Variants in LINGO2 observed in about 807,000 individuals in gnomAD.
LINGO2 encodes the protein leucine rich repeat and Ig domain containing 2.
Under a neutral mutation model 30.6 loss-of-function variants are expected in LINGO2, and 14 were observed. The ratio of observed to expected loss-of-function variants is 0.46; its 90% CI spans 0.30 to 0.72. The LOEUF is 0.72. LINGO2 is among the 30% of genes least tolerant of loss of function. The pLI is 0.07. For synonymous variants in LINGO2, 317 were observed against 288.5 expected (o/e 1.10, Z -1.00); for missense variants, 729 against 751.7 (o/e 0.97, Z 0.35).
chr9:29,087,179 A>G, the LINGO2 span, among the ~76,000 whole-genome samples: 1 of 152,106 alleles, frequency 6.6e-6, no homozygotes, highest in Non-Finnish European at 1.5e-5. Context: ...ACCCGGCCCA[A>G]GAAGTAATCT....
the LINGO2 span, among the ~76,000 whole-genome samples, chr9:29,080,962 G>A: frequency 6.6e-6 from 1 of 152,008 alleles, no homozygotes; most frequent in East Asian, 1.9e-4. Context: ...TGTCTATTAG[G>A]TCCGCTTGGT....
intron 1 of LINGO2, among the ~76,000 whole-genome samples, chr9:28,535,876 TTTAAACTTTTCACCTGGATTTGTAA>T (rs1338840055): frequency 2.0e-5 from 3 of 152,158 alleles, no homozygotes; most frequent in African/African-American, 7.2e-5. Flanking sequence ...CAGAGGAGGA[TTTAAACTTTTCACCTGGATTTGTAA>T]TGCTCTTGGA....
chr9:28,607,873 C>A (rs763434033), intron 1 of LINGO2, among the ~76,000 whole-genome samples: 7 of 151,956 alleles, frequency 4.6e-5, no homozygotes, highest in Non-Finnish European at 8.8e-5. Flanking sequence ...GGAGAAGAAC[C>A]ATTCCTCAAA....
At chr9:28,105,973 A>C (rs1004505067) in intron 4 of LINGO2, among the ~76,000 whole-genome samples, 2 of 152,086 alleles carry the variant, frequency 1.3e-5, no homozygotes, top group African/African-American at 4.8e-5. Flanking sequence ...GTAGGAAGTG[A>C]GGGCTGGCTA....
the LINGO2 span, among the ~76,000 whole-genome samples, chr9:28,727,436 C>T: frequency 6.6e-6 from 1 of 152,188 alleles, no homozygotes; most frequent in African/African-American, 2.4e-5. Flanking sequence ...TGGGTGCCCG[C>T]CACCACGTCT....
intron 4 of LINGO2, among the ~76,000 whole-genome samples, chr9:28,188,993 C>A (rs551963703): frequency 6.6e-5 from 10 of 152,142 alleles, no homozygotes; most frequent in African/African-American, 2.4e-4. Flanking sequence ...AAACAGAAGA[C>A]AAGTCTAAAA....
At chr9:28,741,447 G>GA in the LINGO2 span, among the ~76,000 whole-genome samples, 159 of 152,058 alleles carry the variant, frequency 1.0e-3, 3 homozygotes, top group African/African-American at 3.7e-3. Context: ...CTGTCCTGAT[G>GA]AAAAAATCTT....
the LINGO2 span, among the ~76,000 whole-genome samples, chr9:28,946,498 T>C: frequency 6.6e-6 from 1 of 152,148 alleles, no homozygotes; most frequent in Non-Finnish European, 1.5e-5. Context: ...AGTAAAGAAT[T>C]GCCCAGATTC....
chr9:28,239,783 G>A (rs1268685406), intron 4 of LINGO2, among the ~76,000 whole-genome samples: 1 of 152,032 alleles, frequency 6.6e-6, no homozygotes, highest in East Asian at 1.9e-4. Flanking sequence ...GTCTTAGCTA[G>A]AGCAATTAGA....
At chr9:28,381,564 A>T (rs994658863) in intron 2 of LINGO2, among the ~76,000 whole-genome samples, 1 of 152,248 alleles carries the variant, frequency 6.6e-6, no homozygotes, top group East Asian at 1.9e-4. Context: ...ATATAAAACC[A>T]TATTTGTGTC....
chr9:28,982,937 T>C, the LINGO2 span, among the ~76,000 whole-genome samples: 3 of 152,010 alleles, frequency 2.0e-5, no homozygotes, highest in African/African-American at 7.2e-5. Flanking sequence ...TTTTCATATA[T>C]GAATCTTTTG....
the LINGO2 span, among the ~76,000 whole-genome samples, chr9:28,721,768 C>T: frequency 1.4e-4 from 21 of 151,896 alleles, no homozygotes; most frequent in African/African-American, 4.6e-4. Context: ...ACATGTATAC[C>T]TATGTAACAA....
the LINGO2 span, among the ~76,000 whole-genome samples, chr9:28,902,461 T>C: frequency 6.6e-6 from 1 of 152,132 alleles, no homozygotes; most frequent in African/African-American, 2.4e-5. Flanking sequence ...TTACCTCACT[T>C]TAAGCAATGA....
chr9:28,434,384 T>C (rs1564196590), intron 2 of LINGO2, among the ~76,000 whole-genome samples: 3 of 151,560 alleles, frequency 2.0e-5, no homozygotes, highest in African/African-American at 4.8e-5. Context: ...TCCAAAATAC[T>C]GAGAACATTA....
At chr9:28,719,683 G>GA in the LINGO2 span, among the ~76,000 whole-genome samples, 1 of 151,892 alleles carries the variant, frequency 6.6e-6, no homozygotes, top group East Asian at 1.9e-4. Flanking sequence ...TACACTTCCT[G>GA]AAAAATCTGC....
At chr9:28,401,924 T>C (rs1393277010) in intron 2 of LINGO2, among the ~76,000 whole-genome samples, 1 of 152,236 alleles carries the variant, frequency 6.6e-6, no homozygotes, top group Admixed American at 6.5e-5. Context: ...GTTGGCCCTA[T>C]AAATATCTTC....
At chr9:28,000,861 G>C (rs1159986795) in intron 5 of LINGO2, among the ~76,000 whole-genome samples, 2 of 152,184 alleles carry the variant, frequency 1.3e-5, no homozygotes, top group Non-Finnish European at 2.9e-5. Context: ...GTACTGTGAA[G>C]TACCTAAAAT....
intron 3 of LINGO2, among the ~76,000 whole-genome samples, chr9:28,347,238 C>G (rs996064786): frequency 1.3e-5 from 2 of 151,872 alleles, no homozygotes; most frequent in Non-Finnish European, 2.9e-5. Flanking sequence ...ATTATTAAAC[C>G]TATTATAGCC....
At chr9:28,772,785 G>C in the LINGO2 span, among the ~76,000 whole-genome samples, 7 of 152,152 alleles carry the variant, frequency 4.6e-5, no homozygotes, top group African/African-American at 1.7e-4. Context: ...AGCCCATAGA[G>C]ATAAATACAA....
Sources: allele counts gnomAD v4.1 joint callset (sites outside exome capture counted in the v4.1 genomes callset), GRCh38; gene constraint gnomAD v4.1.1; transcripts MANE v1.5; gene names NCBI Gene and HGNC (gene_info 2026-07-23, HGNC 2026-07-21).